Variants in DOCK2 observed in about 807,000 individuals in gnomAD.
DOCK2 encodes dedicator of cytokinesis 2.
DOCK2 carries 87 observed loss-of-function variants against 248.9 expected under a neutral mutation model. The ratio of observed to expected loss-of-function variants is 0.35; its 90% CI spans 0.29 to 0.42. The LOEUF (loss-of-function observed/expected upper bound fraction) is 0.42, where lower values mean the gene tolerates loss of function less well. Ranked by LOEUF, DOCK2 falls within the 10% of genes least tolerant of loss-of-function variation. The pLI is 1.00. For missense variants in DOCK2, 1,747 were observed against 2,300.2 expected, an observed-to-expected ratio of 0.76 and a Z score of 4.92; for synonymous variants, 805 against 821.6, an observed-to-expected ratio of 0.98 and a Z score of 0.35.
At chr5:169,786,156 G>A (rs1302914193) in intron 25 of DOCK2, among the ~76,000 whole-genome samples, 1 of 152,150 alleles carries the variant, frequency 6.6e-6, no homozygotes, top group Admixed American at 6.5e-5. Flanking sequence ...AGTTAATTCA[G>A]ACCTACTGCT....
chr5:169,921,112 G>A (rs1399849683), intron 27 of DOCK2, among the ~76,000 whole-genome samples: 1 of 152,194 alleles, frequency 6.6e-6, no homozygotes, highest in Non-Finnish European at 1.5e-5. Context: ...TAAGGGAAAA[G>A]CACGTAGGGT....
chr5:170,056,734 G>A lies in DOCK2; in HGVS notation c.4346G>A (p.Arg1449His), dbSNP rs752809875. 49 of 1,614,034 alleles carry A rather than the reference G, an allele frequency of 3.0e-5. No homozygotes were observed. The East Asian group carries it at 4.0e-4, about 13-fold the overall frequency. The change falls in exon 43 of 52, where the codon CGC (arginine) becomes CAC (histidine). Residue 1449 changes from arginine (R) to histidine (H), a missense_variant. Physicochemically the swap from Arg to His is conservative, Grantham distance 29. Transcript: ENST00000520908. ...AGGTTCCACTACTCCCGGCCCGTGC[G>A]CAGGGGGACCGTAGACCCAGAGAAT... ...VQRFHYSRPV[R>H]RGTVDPENEF...
At chr5:169,951,371 C>T (rs1230216002) in intron 27 of DOCK2, among the ~76,000 whole-genome samples, 1 of 152,166 alleles carries the variant, frequency 6.6e-6, no homozygotes, top group African/African-American at 2.4e-5. Context: ...TTCCAAATAA[C>T]ACAACACATG....
At chr5:170,082,413 A>C (rs1758066516) in intron 51 of DOCK2, among the ~76,000 whole-genome samples, 1 of 152,224 alleles carries the variant, frequency 6.6e-6, no homozygotes, top group South Asian at 2.1e-4. Context: ...ACCATAACAC[A>C]TCTGATCCTC....
At position 169,903,091 on chromosome 5, in the gene DOCK2, C is replaced by A. The variant is rs112788404; in HGVS notation, c.2799+62239C>A. 8.6e-3 allele frequency among the ~76,000 whole-genome samples: 1,291 copies of A among 149,948 alleles called. 20 individuals are homozygous for A. The highest frequency in any genetic ancestry group is 0.011 in the Non-Finnish European group (759 of 67,496). On this transcript the variant is annotated intron_variant, in intron 27 of 51. Transcript: ENST00000520908. ...CCAGCCTGGCGACAGAGCAAGACTC[C>A]ATCTCAAAAAAAAAAGAAAGAAAGG...
At chr5:169,896,835 A>T (rs1773639351) in intron 27 of DOCK2, among the ~76,000 whole-genome samples, 1 of 152,246 alleles carries the variant, frequency 6.6e-6, no homozygotes, top group African/African-American at 2.4e-5. Flanking sequence ...TTATAATAAA[A>T]TGCAGATGCC....
chr5:170,051,313 A>T (rs1329174571), intron 41 of DOCK2, among the ~76,000 whole-genome samples: 1 of 152,034 alleles, frequency 6.6e-6, no homozygotes, highest in Non-Finnish European at 1.5e-5. Flanking sequence ...GTCCAACGTC[A>T]GCCCCACCCC....
At position 169,883,057 on chromosome 5, in the gene DOCK2, G is replaced by A. The variant is rs764451484; in HGVS notation, c.2799+42205G>A. The A allele has an allele frequency of 3.4e-5, 53 of 1,551,442 alleles. No individual in the cohort carries two copies. The highest frequency in any genetic ancestry group is 3.7e-5 in the Non-Finnish European group (43 of 1,146,926). ...GTCTTTGTCATCTGAGTTGTCTTTG[G>A]GCAAAAGCAATTCAGGTTTAAGTTC... On this transcript the variant is annotated intron_variant, in intron 27 of 51. Coordinates refer to ENST00000520908, the MANE Select transcript of DOCK2 (RefSeq NM_004946.3).
At chr5:169,852,390 G>A (rs1313156776) in intron 27 of DOCK2, among the ~76,000 whole-genome samples, 1 of 152,202 alleles carries the variant, frequency 6.6e-6, no homozygotes, top group Non-Finnish European at 1.5e-5. Flanking sequence ...CGTTGGCTGA[G>A]TACCTCCATC....
chr5:169,885,106 A>G (rs959419757), intron 27 of DOCK2, among the ~76,000 whole-genome samples: 4 of 152,106 alleles, frequency 2.6e-5, no homozygotes, highest in Admixed American at 6.5e-5. Flanking sequence ...AGCCTTTACA[A>G]TGTCTCCCTC....
intron 25 of DOCK2, 45 bp from the exon 26 acceptor site, chr5:169,803,013 A>G (rs769015677): frequency 6.3e-7 from 1 of 1,593,366 alleles, no homozygotes; most frequent in Non-Finnish European, 8.5e-7. Flanking sequence ...AAAAGAAACT[A>G]AAAAATGAGG....
At chr5:170,063,675 A>C (rs1198608193) in intron 44 of DOCK2, among the ~76,000 whole-genome samples, 4 of 152,144 alleles carry the variant, frequency 2.6e-5, no homozygotes, top group Non-Finnish European at 5.9e-5. Context: ...CCACATACCA[A>C]GTGCCACACT....
intron 1 of DOCK2, among the ~76,000 whole-genome samples, chr5:169,651,965 T>G (rs1757831866): frequency 1.3e-5 from 2 of 152,184 alleles, no homozygotes; most frequent in Non-Finnish European, 2.9e-5. Context: ...AATATAATGC[T>G]AATAAAAAGA....
chr5:169,936,578 CTTTTTT>C (rs4041977), intron 27 of DOCK2, among the ~76,000 whole-genome samples: 1 of 122,832 alleles, frequency 8.1e-6, no homozygotes, highest in Admixed American at 8.1e-5. Context: ...TCTCAGACTC[CTTTTTT>C]TTTTTTTTTT....
intron 14 of DOCK2, chr5:169,704,037 C>T (rs1006054251): frequency 4.6e-5 from 7 of 152,226 alleles, no homozygotes; most frequent in African/African-American, 9.7e-5. Flanking sequence ...AAGTCACTAC[C>T]GAGCAGGCTG....
intron 27 of DOCK2, among the ~76,000 whole-genome samples, chr5:169,879,814 G>C (rs148627099): frequency 3.9e-4 from 60 of 152,260 alleles, no homozygotes; most frequent in Non-Finnish European, 6.9e-4. Flanking sequence ...CCAAGGCGAG[G>C]TCATGAAACT....
Position 170,081,759 on chromosome 5 carries a change from C to G in DOCK2, c.5288-83C>G. 8 of 1,313,198 alleles carry G rather than the reference C, an allele frequency of 6.1e-6. 1 individual carries two copies. In the South Asian group the frequency reaches 1.2e-4, roughly 19 times the overall value. The allele number at this position is 1,313,198 out of a possible 1,614,324, so 81.3% of individuals were successfully genotyped here. A position where few individuals can be genotyped will look rare whatever the true frequency, so the allele number is the denominator to read the frequency against. ...ATCCCTGGATGCTGGCTCTGTCCCC[C>G]AGCCCTCCCCCTGTCTACCTCCCCC... On this transcript the variant is annotated intron_variant, in intron 50 of 51. Transcript: ENST00000520908.
At chr5:170,003,894 C>A (rs1754926146) in intron 30 of DOCK2, among the ~76,000 whole-genome samples, 1 of 152,162 alleles carries the variant, frequency 6.6e-6, no homozygotes, top group Admixed American at 6.5e-5. Context: ...CCTCTGAGTT[C>A]CAGAAGTCAT....
chr5:169,795,345 C>T (rs931179647), intron 25 of DOCK2, among the ~76,000 whole-genome samples: 23 of 152,086 alleles, frequency 1.5e-4, no homozygotes, highest in South Asian at 4.2e-4. Flanking sequence ...CTAAATAGGC[C>T]GGGTTTGTTT....
Sources: gnomAD v4.1 joint callset for allele counts (sites outside exome capture counted in the v4.1 genomes callset) on GRCh38, gnomAD v4.1.1 for gene constraint, MANE v1.5 for transcripts, NCBI Gene and HGNC (gene_info 2026-07-23, HGNC 2026-07-21) for gene names.